The following MIPOL1 variants were observed in gnomAD, a reference collection of about 807,000 sequenced individuals.
The protein encoded by MIPOL1 is mirror-image polydactyly gene 1 protein.
A neutral mutation model predicts 60.9 loss-of-function variants in MIPOL1; 57 were observed. The ratio of observed to expected loss-of-function variants is 0.94; its 90% CI spans 0.76 to 1.17. The LOEUF (loss-of-function observed/expected upper bound fraction) is 1.17, where lower values mean the gene tolerates loss of function less well. Among genes scored for constraint, MIPOL1 ranks in the 50% most tolerant of loss-of-function variants. The probability of loss-of-function intolerance (pLI) is 0.00; values close to 1 mark genes in which losing one functional copy is unlikely to be tolerated. For synonymous variants in MIPOL1, 179 were observed against 168.8 expected, an observed-to-expected ratio of 1.06 and a Z score of -0.47; for missense variants, 551 against 511.6, an observed-to-expected ratio of 1.08 and a Z score of -0.74.
chr14:37,198,927 G>A (rs1416109221), intron 1 of MIPOL1, among the ~76,000 whole-genome samples: 2 of 152,058 alleles, frequency 1.3e-5, no homozygotes, highest in Non-Finnish European at 2.9e-5. Flanking sequence ...CATCTAAAAT[G>A]ACAATTACAT....
At position 37,247,862 on chromosome 14, in the gene MIPOL1, C is replaced by A; in HGVS notation, c.-27C>A. On this transcript the variant is annotated 5_prime_UTR_variant, in exon 3 of 13. Coordinates refer to ENST00000684589, the MANE Select transcript of MIPOL1 (RefSeq NM_001388067.1). ...CTTGGAGCAAAAACCAGAGACATTG[C>A]CAGAGCAAACAAGAACAGAAATACA... 1.9e-6 allele frequency: 3 copies of A among 1,611,562 alleles called. No individual in the cohort carries two copies. The highest frequency in any genetic ancestry group is 2.5e-6 in the Non-Finnish European group (3 of 1,178,750).
At chr14:37,227,032 A>G (rs1969861733) in intron 1 of MIPOL1, among the ~76,000 whole-genome samples, 2 of 152,204 alleles carry the variant, frequency 1.3e-5, no homozygotes. Context: ...TGTGAGAGCT[A>G]GGGAACTCAT....
chr14:37,299,477 A>G (rs926858256), intron 7 of MIPOL1, among the ~76,000 whole-genome samples: 4 of 146,134 alleles, frequency 2.7e-5, no homozygotes, highest in Non-Finnish European at 6.1e-5. Context: ...TTACTCTACA[A>G]CATCCTACTT....
Position 37,446,913 on chromosome 14 carries a change from G to A in MIPOL1, c.1031+23964G>A, listed in dbSNP as rs1014081381. Among the ~76,000 whole-genome samples, 11 of 151,868 alleles carry A rather than the reference G, an allele frequency of 7.2e-5. No individual in the cohort carries two copies. In the East Asian group the frequency reaches 1.8e-3, roughly 24 times the overall value. ...CACAGGAAGGGGAGCATCACACTCTGGGGACTGTTGTGGGGTGGGGGGAGT... is the reference window on the plus strand; with the variant it reads ...CACAGGAAGGGGAGCATCACACTCTAGGGACTGTTGTGGGGTGGGGGGAGT... On this transcript the variant is annotated intron_variant, in intron 11 of 12. Transcript: ENST00000684589.
At chr14:37,333,707 G>T (rs2089906002) in intron 9 of MIPOL1, among the ~76,000 whole-genome samples, 1 of 151,958 alleles carries the variant, frequency 6.6e-6, no homozygotes, top group Non-Finnish European at 1.5e-5. Context: ...ATAAATAATA[G>T]CAGATCATCA....
At chr14:37,375,738 TCTCTTCTCTA>T (rs1471446808) in intron 10 of MIPOL1, among the ~76,000 whole-genome samples, 1 of 151,954 alleles carries the variant, frequency 6.6e-6, no homozygotes, top group Admixed American at 6.6e-5. Flanking sequence ...TTCTCTCTTT[TCTCTTCTCTA>T]CTCTTCTCTT....
intron 1 of MIPOL1, among the ~76,000 whole-genome samples, chr14:37,242,919 A>G (rs1354544352): frequency 6.6e-6 from 1 of 152,196 alleles, no homozygotes; most frequent in Non-Finnish European, 1.5e-5. Context: ...AGGCGTGCAT[A>G]ATGAGAGAAA....
chr14:37,483,438 AG>A (rs2094903876), intron 11 of MIPOL1, among the ~76,000 whole-genome samples: 1 of 152,040 alleles, frequency 6.6e-6, no homozygotes, highest in African/African-American at 2.4e-5. Context: ...CTTTCCTTAA[AG>A]AAAAAAATAT....
chr14:37,217,914 T>C (rs1257813788), intron 1 of MIPOL1, among the ~76,000 whole-genome samples: 2 of 152,208 alleles, frequency 1.3e-5, no homozygotes, highest in South Asian at 2.1e-4. Flanking sequence ...TTTAAAAATA[T>C]GCTCTTAGTA....
At chr14:37,304,547 A>G (rs1291400696) in intron 7 of MIPOL1, among the ~76,000 whole-genome samples, 2 of 151,846 alleles carry the variant, frequency 1.3e-5, no homozygotes, top group African/African-American at 2.4e-5. Flanking sequence ...AAGCAAACAA[A>G]TCAGAATTTT....
chr14:37,203,661 C>A (rs1244237154), intron 1 of MIPOL1, among the ~76,000 whole-genome samples: 1 of 152,150 alleles, frequency 6.6e-6, no homozygotes, highest in Non-Finnish European at 1.5e-5. Flanking sequence ...TGCTCACTCA[C>A]CTTGAGGAAG....
chr14:37,249,183 G>A (rs1192378101), intron 3 of MIPOL1, among the ~76,000 whole-genome samples: 1 of 152,058 alleles, frequency 6.6e-6, no homozygotes, highest in African/African-American at 2.4e-5. Flanking sequence ...AAACCTTTAT[G>A]TACATCTTTT....
intron 4 of MIPOL1, among the ~76,000 whole-genome samples, chr14:37,267,709 A>G (rs1033664204): frequency 2.0e-5 from 3 of 152,150 alleles, no homozygotes; most frequent in African/African-American, 7.2e-5. Context: ...GACAGGTTTA[A>G]TTCTATTTTA....
chr14:37,310,119 C>T (rs527888895), intron 9 of MIPOL1, among the ~76,000 whole-genome samples: 11 of 152,218 alleles, frequency 7.2e-5, no homozygotes, highest in Non-Finnish European at 8.8e-5. Context: ...CCAACTTGCA[C>T]ATAATATACC....
chr14:37,224,574 T>C (rs111734005), intron 1 of MIPOL1, among the ~76,000 whole-genome samples: 1 of 152,108 alleles, frequency 6.6e-6, no homozygotes, highest in African/African-American at 2.4e-5. Flanking sequence ...TCACTACAAC[T>C]GGAACAGTAT....
intron 11 of MIPOL1, among the ~76,000 whole-genome samples, chr14:37,445,075 G>C (rs2094311476): frequency 6.6e-6 from 1 of 152,194 alleles, no homozygotes. Context: ...GTTCTGGCCA[G>C]GTCAATTAGG....
chr14:37,283,927 T>G (rs992380140), intron 6 of MIPOL1, among the ~76,000 whole-genome samples: 2 of 152,138 alleles, frequency 1.3e-5, no homozygotes, highest in Non-Finnish European at 2.9e-5. Flanking sequence ...TTCTCCAAGC[T>G]GTTATTATTG....
intron 10 of MIPOL1, 171 bp downstream of exon 10, chr14:37,369,795 A>G (rs1045284665): frequency 2.3e-6 from 1 of 428,374 alleles, no homozygotes; most frequent in African/African-American, 2.0e-5. Flanking sequence ...GTATTATTTT[A>G]TTTCACGTAT....
intron 11 of MIPOL1, among the ~76,000 whole-genome samples, chr14:37,482,366 A>G (rs1236737831): frequency 6.6e-6 from 1 of 152,212 alleles, no homozygotes; most frequent in Admixed American, 6.5e-5. Flanking sequence ...TAAAACCACA[A>G]TAAGATATCT....
Sources: allele counts gnomAD v4.1 joint callset (sites outside exome capture counted in the v4.1 genomes callset), GRCh38; gene constraint gnomAD v4.1.1; transcripts MANE v1.5; gene names NCBI Gene and HGNC (gene_info 2026-07-23, HGNC 2026-07-21).